Variants in CTNNA3 observed in about 807,000 individuals in gnomAD.
CTNNA3 encodes catenin alpha-3.
CTNNA3 carries 76 observed loss-of-function variants against 95.7 expected under a neutral mutation model. That is an observed-to-expected ratio of 0.79 (90% CI 0.66 to 0.96). The LOEUF (loss-of-function observed/expected upper bound fraction) is 0.96, where lower values mean the gene tolerates loss of function less well. Ranked by LOEUF, CTNNA3 falls within the 40% of genes least tolerant of loss-of-function variation. The pLI is 0.00. For synonymous variants in CTNNA3, 431 were observed against 374.4 expected (o/e 1.15, Z -1.74); for missense variants, 1,191 against 1,089.8 (o/e 1.09, Z -1.31).
At chr10:66,841,177 T>C (rs1392545467) in intron 7 of CTNNA3, among the ~76,000 whole-genome samples, 2 of 152,172 alleles carry the variant, frequency 1.3e-5, no homozygotes, top group Non-Finnish European at 2.9e-5. Context: ...TGAGGGCACC[T>C]CTACTCTCCT....
chr10:66,470,275 T>C (rs1365253458), intron 11 of CTNNA3, among the ~76,000 whole-genome samples: 2 of 151,768 alleles, frequency 1.3e-5, no homozygotes, highest in Non-Finnish European at 2.9e-5. Flanking sequence ...CTGTCAAACA[T>C]GAAAGGGGAA....
intron 11 of CTNNA3, among the ~76,000 whole-genome samples, chr10:66,411,503 A>AT (rs1328082346): frequency 2.0e-5 from 3 of 151,956 alleles, no homozygotes; most frequent in Admixed American, 6.6e-5. Context: ...CCATGAGGTA[A>AT]TTTTTTATAT....
chr10:67,677,950 T>C (rs1371735676), intron 1 of CTNNA3, among the ~76,000 whole-genome samples: 1 of 152,100 alleles, frequency 6.6e-6, no homozygotes, highest in Non-Finnish European at 1.5e-5. Context: ...CCGATGCAAA[T>C]GTACCTCCTG....
At chr10:66,256,607 G>A (rs2090791227) in intron 13 of CTNNA3, among the ~76,000 whole-genome samples, 1 of 151,976 alleles carries the variant, frequency 6.6e-6, no homozygotes, top group Non-Finnish European at 1.5e-5. Flanking sequence ...TGTAATCCCA[G>A]CTACTCAGGA....
At chr10:66,929,343 A>C (rs1248043562) in intron 7 of CTNNA3, among the ~76,000 whole-genome samples, 1 of 152,216 alleles carries the variant, frequency 6.6e-6, no homozygotes, top group Non-Finnish European at 1.5e-5. Flanking sequence ...TGCTACAGGC[A>C]TGTGGTTGAG....
intron 1 of CTNNA3, among the ~76,000 whole-genome samples, chr10:67,746,721 C>A (rs1166988716): frequency 5.3e-5 from 8 of 152,300 alleles, no homozygotes; most frequent in Non-Finnish European, 8.8e-5. Flanking sequence ...TGAGCCCATG[C>A]CACCATCAGG....
chr10:67,566,749 G>T lies in CTNNA3; in HGVS notation c.293-27080C>A, dbSNP rs1217291329. On this transcript the variant is annotated intron_variant, in intron 3 of 17. Coordinates refer to ENST00000433211, the MANE Select transcript of CTNNA3 (RefSeq NM_013266.4). ...ATGTTTATTGCGGCACTCTTCACAA[G>T]AGCAAAGACTTGGAACCAACCCAAA... 3.9e-5 allele frequency among the ~76,000 whole-genome samples: 6 copies of T among 152,006 alleles called. No homozygotes were observed. The East Asian group carries it at 9.7e-4, about 25-fold the overall frequency.
intron 13 of CTNNA3, among the ~76,000 whole-genome samples, chr10:66,159,013 C>A (rs1292297646): frequency 1.3e-5 from 2 of 152,088 alleles, no homozygotes; most frequent in East Asian, 3.9e-4. Context: ...AATCTTGTAT[C>A]TGGAAACTTT....
intron 1 of CTNNA3, among the ~76,000 whole-genome samples, chr10:67,667,724 C>G (rs971416020): frequency 6.6e-6 from 1 of 152,074 alleles, no homozygotes; most frequent in African/African-American, 2.4e-5. Flanking sequence ...GTGGCAGTTT[C>G]TTTCCTCATG....
intron 13 of CTNNA3, among the ~76,000 whole-genome samples, chr10:66,222,183 T>G (rs2088968161): frequency 6.6e-6 from 1 of 152,184 alleles, no homozygotes; most frequent in Admixed American, 6.5e-5. Context: ...ACTCTCTTAG[T>G]CTGATTTCTC....
chr10:66,126,132 C>G (rs1159082278), intron 13 of CTNNA3, among the ~76,000 whole-genome samples: 3 of 152,148 alleles, frequency 2.0e-5, no homozygotes, highest in Admixed American at 6.5e-5. Flanking sequence ...ATCTAATAAA[C>G]TTTGAAAATT....
intron 5 of CTNNA3, among the ~76,000 whole-genome samples, chr10:67,382,386 T>C (rs1843979452): frequency 6.6e-6 from 1 of 152,146 alleles, no homozygotes; most frequent in Admixed American, 6.5e-5. Flanking sequence ...CAAAAAACTT[T>C]AAAACAGTGT....
At chr10:67,325,923 GCA>G (rs1465486342) in intron 5 of CTNNA3, among the ~76,000 whole-genome samples, 1 of 151,978 alleles carries the variant, frequency 6.6e-6, no homozygotes, top group East Asian at 1.9e-4. Context: ...CCTGGGTTGG[GCA>G]CATAGGTATT....
intron 9 of CTNNA3, among the ~76,000 whole-genome samples, chr10:66,682,856 C>T (rs1034257698): frequency 6.6e-6 from 1 of 152,080 alleles, no homozygotes; most frequent in African/African-American, 2.4e-5. Context: ...TGAGGGCCAA[C>T]AAGCATTTGC....
At chr10:66,995,720 T>G (rs535684767) in intron 7 of CTNNA3, among the ~76,000 whole-genome samples, 1 of 152,206 alleles carries the variant, frequency 6.6e-6, no homozygotes, top group Non-Finnish European at 1.5e-5. Flanking sequence ...TTGCTTACAC[T>G]GCTCCTTCTG....
intron 7 of CTNNA3, chr10:67,097,760 T>C: frequency 6.2e-7 from 1 of 1,612,428 alleles, no homozygotes; most frequent in Non-Finnish European, 8.5e-7. Flanking sequence ...TCACAACAGC[T>C]GGCCGAATCA....
At chr10:67,140,323 G>A (rs1289145986) in intron 7 of CTNNA3, among the ~76,000 whole-genome samples, 1 of 152,016 alleles carries the variant, frequency 6.6e-6, no homozygotes, top group East Asian at 1.9e-4. Flanking sequence ...AAATCCATCT[G>A]AGAGTTTAAA....
chr10:66,756,043 T>C (rs1046854696), intron 9 of CTNNA3, among the ~76,000 whole-genome samples: 1 of 152,182 alleles, frequency 6.6e-6, no homozygotes, highest in African/African-American at 2.4e-5. Flanking sequence ...ATTTTTAAAT[T>C]TATTTGAAGA....
At chr10:67,101,324 A>G (rs2131944711) in intron 7 of CTNNA3, among the ~76,000 whole-genome samples, 1 of 151,882 alleles carries the variant, frequency 6.6e-6, no homozygotes, top group African/African-American at 2.4e-5. Flanking sequence ...TGTCAACTGA[A>G]CACATGTTCA....
Sources: gnomAD v4.1 joint callset for allele counts (sites outside exome capture counted in the v4.1 genomes callset) on GRCh38, gnomAD v4.1.1 for gene constraint, MANE v1.5 for transcripts, NCBI Gene and HGNC (gene_info 2026-07-23, HGNC 2026-07-21) for gene names.